The following CHD9 variants were observed in gnomAD, a reference collection of about 807,000 sequenced individuals.
CHD9 encodes chromodomain helicase DNA binding protein 9.
Under a neutral mutation model 316.1 loss-of-function variants are expected in CHD9, and 77 were observed. The observed-to-expected ratio is 0.24, with a 90% CI of 0.20 to 0.29. CHD9 has a LOEUF of 0.29. Ranked by LOEUF, CHD9 falls within the 10% of genes least tolerant of loss-of-function variation. CHD9 has a pLI of 1.00. For missense variants in CHD9, 2,763 were observed against 3,438.1 expected (o/e 0.80, Z 4.91); for synonymous variants, 1,129 against 1,158.3 (o/e 0.97, Z 0.51).
chr16:53,193,309 C>T (rs778308605), intron 2 of CHD9, among the ~76,000 whole-genome samples: 2 of 151,886 alleles, frequency 1.3e-5, no homozygotes, highest in East Asian at 3.9e-4. Flanking sequence ...ATTAGCCGGG[C>T]GTGGTGGCGG....
At chr16:53,103,959 A>G (rs1361070607) in intron 1 of CHD9, among the ~76,000 whole-genome samples, 1 of 151,856 alleles carries the variant, frequency 6.6e-6, no homozygotes, top group Admixed American at 6.6e-5. Context: ...TTGATTTCCT[A>G]CTCCATGGCC....
intron 2 of CHD9, among the ~76,000 whole-genome samples, chr16:53,174,975 T>C (rs2043005341): frequency 6.6e-6 from 1 of 152,220 alleles, no homozygotes; most frequent in African/African-American, 2.4e-5. Flanking sequence ...ATTTTGTCCT[T>C]TTGAAATACA....
Position 53,156,348 on chromosome 16 carries a change from G to A in CHD9, c.259G>A (p.Gly87Ser), listed in dbSNP as rs747697032. The change falls in exon 2 of 39, where the codon GGT (glycine) becomes AGT (serine). Residue 87 changes from glycine to serine, a missense_variant. Coordinates refer to ENST00000447540, the MANE Select transcript of CHD9 (RefSeq NM_001308319.2). Reference sequence around the variant, plus strand: ...ATTTCACCATGTTAATCAATCTTTTGGTAGCCCAGCTGAACATGTGTTATC... The same window carrying A: ...ATTTCACCATGTTAATCAATCTTTTAGTAGCCCAGCTGAACATGTGTTATC... ...IKFHHVNQSF[G>S]SPAEHVLSPH... 5 of 1,613,862 alleles carry A rather than the reference G, an allele frequency of 3.1e-6. No homozygotes were observed. The highest frequency in any genetic ancestry group is 4.2e-6 in the Non-Finnish European group (5 of 1,179,832).
intron 26 of CHD9, 93 bp from the exon 27 acceptor site, chr16:53,287,864 A>G: frequency 9.5e-7 from 1 of 1,056,914 alleles, no homozygotes; most frequent in African/African-American, 1.6e-5. Context: ...CTGACTTTTA[A>G]AACAAACTAA....
intron 8 of CHD9, among the ~76,000 whole-genome samples, chr16:53,229,928 CAA>C: frequency 6.6e-6 from 1 of 152,078 alleles, no homozygotes; most frequent in Non-Finnish European, 1.5e-5. Context: ...GTTTTTATAA[CAA>C]AAAGAGAGTG....
intron 1 of CHD9, among the ~76,000 whole-genome samples, chr16:53,070,659 A>G (rs2033969117): frequency 6.6e-6 from 1 of 151,530 alleles, no homozygotes; most frequent in Non-Finnish European, 1.5e-5. Context: ...GGTTCATGTG[A>G]TTCTCTTGCC....
At position 53,308,683 on chromosome 16, in the gene CHD9, C is replaced by T. The variant is rs1489853365; in HGVS notation, c.7054-3C>T. 6.2e-7 allele frequency: 1 copy of T among 1,606,850 alleles called. No individual in the cohort carries two copies. The highest frequency in any genetic ancestry group is 1.7e-5 in the Admixed American group (1 of 59,472). The stretch of plus-strand genomic sequence containing the variant: ...TGTCTTAATAATGGTATTTGTTTAA[C>T]AGGAAGGTGGTTTGAAGTTGACATT... On this transcript the variant is annotated splice_polypyrimidine_tract_variant and splice_region_variant and intron_variant, in intron 33 of 38. Transcript: ENST00000447540.
intron 3 of CHD9, among the ~76,000 whole-genome samples, chr16:53,212,329 T>G (rs867788329): frequency 7.9e-5 from 12 of 151,092 alleles, no homozygotes; most frequent in African/African-American, 2.4e-4. Context: ...GGCGTGAACC[T>G]GGGAGGCAGA....
At chr16:53,088,894 A>G (rs1350056784) in intron 1 of CHD9, among the ~76,000 whole-genome samples, 2 of 151,978 alleles carry the variant, frequency 1.3e-5, no homozygotes, top group East Asian at 2.0e-4. Flanking sequence ...CAGGCGGATC[A>G]TGAGGTCAGG....
At position 53,156,125 on chromosome 16, in the gene CHD9, C is replaced by T. The variant is rs1231244979; in HGVS notation, c.36C>T (p.Ala12=). 1.2e-6 allele frequency: 2 copies of T among 1,612,840 alleles called. No individual in the cohort carries two copies. The highest frequency in any genetic ancestry group is 2.7e-5 in the African/African-American group (2 of 74,930). ...TDPMMDFFDD[A]NLFGETLEGL... ...CAATGATGGACTTTTTTGATGATGCCAATCTTTTTGGTGAGACCTTAGAAG... is the reference window on the plus strand; with the variant it reads ...CAATGATGGACTTTTTTGATGATGCTAATCTTTTTGGTGAGACCTTAGAAG... Residue 12 remains alanine (A), a synonymous_variant, in exon 2 of 39, where the codon GCC becomes GCT. Transcript: ENST00000447540.
chr16:53,255,515 G>A, intron 18 of CHD9, 85 bp from the exon 19 acceptor site: 1 of 1,219,250 alleles, frequency 8.2e-7, no homozygotes, highest in Non-Finnish European at 1.2e-6. Context: ...CATGCCTCTT[G>A]TGTTCTTTGA....
At chr16:53,311,634 T>C (rs1337031813) in intron 34 of CHD9, 1 of 152,224 alleles carries the variant, frequency 6.6e-6, no homozygotes. Context: ...AGATGTAGTG[T>C]AATTTCATTA....
intron 1 of CHD9, among the ~76,000 whole-genome samples, chr16:53,071,835 A>C (rs922748621): frequency 1.1e-4 from 17 of 152,208 alleles, no homozygotes; most frequent in Non-Finnish European, 2.4e-4. Context: ...TGTGATGGCC[A>C]GCCCTACTCA....
intron 1 of CHD9, among the ~76,000 whole-genome samples, chr16:53,084,185 C>T (rs1021041721): frequency 2.0e-5 from 3 of 152,110 alleles, no homozygotes; most frequent in Non-Finnish European, 4.4e-5. Flanking sequence ...AGCCACCGCA[C>T]CAGTAGAAGA....
At chr16:53,115,328 A>G (rs544152756) in intron 1 of CHD9, among the ~76,000 whole-genome samples, 5 of 152,230 alleles carry the variant, frequency 3.3e-5, no homozygotes, top group Non-Finnish European at 7.3e-5. Flanking sequence ...TTGGTTGCAC[A>G]AGTAATTACA....
At chr16:53,111,345 G>GT (rs2037849820) in intron 1 of CHD9, among the ~76,000 whole-genome samples, 1 of 152,068 alleles carries the variant, frequency 6.6e-6, no homozygotes, top group South Asian at 2.1e-4. Flanking sequence ...TCTCTTTGGG[G>GT]TTTCCACTTT....
chr16:53,088,086 G>A (rs746840597), intron 1 of CHD9, among the ~76,000 whole-genome samples: 9 of 152,056 alleles, frequency 5.9e-5, no homozygotes, highest in East Asian at 1.9e-4. Context: ...CTCTCCTTAC[G>A]TCTTGGCTCC....
intron 36 of CHD9, among the ~76,000 whole-genome samples, chr16:53,316,622 G>T (rs1177584674): frequency 6.6e-6 from 1 of 152,110 alleles, no homozygotes; most frequent in Non-Finnish European, 1.5e-5. Context: ...CCAAGGAAAA[G>T]CATTTTCCTT....
At chr16:53,249,667 G>A (rs2049969388) in intron 16 of CHD9, among the ~76,000 whole-genome samples, 2 of 152,076 alleles carry the variant, frequency 1.3e-5, no homozygotes, top group South Asian at 4.1e-4. Flanking sequence ...GAATTCAGAG[G>A]TTTTGTATCT....
Sources: gnomAD v4.1 joint callset for allele counts (sites outside exome capture counted in the v4.1 genomes callset) on GRCh38, gnomAD v4.1.1 for gene constraint, MANE v1.5 for transcripts, NCBI Gene and HGNC (gene_info 2026-07-23, HGNC 2026-07-21) for gene names.